Variants in RBFOX1 observed in about 807,000 individuals in gnomAD.
The protein encoded by RBFOX1 is RNA binding protein fox-1 homolog 1.
In RBFOX1, 8 loss-of-function variants were observed where a neutral mutation model predicts 57.7. The observed-to-expected ratio is 0.14, with a 90% CI of 0.08 to 0.25. The LOEUF is 0.25. Ranked by LOEUF, RBFOX1 falls within the 10% of genes least tolerant of loss-of-function variation. RBFOX1 has a pLI of 1.00. For missense variants in RBFOX1, 611 were observed against 548.5 expected (o/e 1.11, Z -1.14); for synonymous variants, 326 against 222.4 (o/e 1.47, Z -4.15).
chr16:5,894,747 C>T (rs2058121540), intron 4 of RBFOX1, among the ~76,000 whole-genome samples: 1 of 150,826 alleles, frequency 6.6e-6, no homozygotes, highest in African/African-American at 2.4e-5. Context: ...CAGGGCCAGG[C>T]GTGGTGGCTC....
At chr16:6,674,537 G>C (rs546432090) in intron 3 of RBFOX1, among the ~76,000 whole-genome samples, 2 of 152,210 alleles carry the variant, frequency 1.3e-5, no homozygotes, top group African/African-American at 2.4e-5. Context: ...GATCAGGATG[G>C]TGTCGAACTC....
chr16:6,771,032 G>A (rs1036458979), intron 3 of RBFOX1, among the ~76,000 whole-genome samples: 2 of 152,076 alleles, frequency 1.3e-5, no homozygotes, highest in Non-Finnish European at 2.9e-5. Context: ...TCCTTAGGAA[G>A]TTAATTCGGG....
chr16:6,045,157 T>G (rs1352735387), intron 1 of RBFOX1, among the ~76,000 whole-genome samples: 1 of 152,212 alleles, frequency 6.6e-6, no homozygotes, highest in African/African-American at 2.4e-5. Context: ...CTTGTTAAAA[T>G]GCAGATGCTG....
chr16:7,439,676 C>A (rs185533597), intron 4 of RBFOX1, among the ~76,000 whole-genome samples: 1 of 152,310 alleles, frequency 6.6e-6, no homozygotes, highest in African/African-American at 2.4e-5. Flanking sequence ...GTTTTAAAGG[C>A]ACTATTCATG....
rs146431123 is a variant in RBFOX1, at chr16:6,853,487, G to A, written c.-15-198570G>A. Among the ~76,000 whole-genome samples, 116 of 152,210 alleles carry A rather than the reference G, an allele frequency of 7.6e-4. 1 individual carries two copies. Among genetic ancestry groups the A allele is most frequent in the Non-Finnish European group, 1.2e-3 (82 of 68,018 alleles). On this transcript the variant is annotated intron_variant, in intron 3 of 15. Coordinates refer to ENST00000550418, the MANE Select transcript of RBFOX1 (RefSeq NM_018723.4). ...TGATGGAGGATGGTGCCTACAGTGT[G>A]GTGCTCGAGGACAATCCCTGTCTGC...
At chr16:7,120,823 GTA>G (rs537281089) in intron 4 of RBFOX1, among the ~76,000 whole-genome samples, 103 of 136,984 alleles carry the variant, frequency 7.5e-4, no homozygotes, top group South Asian at 4.9e-3. Context: ...TTTTATATAT[GTA>G]TATATACACA....
intron 4 of RBFOX1, among the ~76,000 whole-genome samples, chr16:7,449,446 C>T (rs74950036): frequency 0.012 from 1,778 of 152,132 alleles, 45 homozygotes; most frequent in African/African-American, 0.041. Context: ...CAGGAGTGAG[C>T]CCTGCTTAGT....
At chr16:5,452,921 C>T (rs1405949187) in intron 1 of RBFOX1, among the ~76,000 whole-genome samples, 1 of 152,126 alleles carries the variant, frequency 6.6e-6, no homozygotes, top group African/African-American at 2.4e-5. Flanking sequence ...TGTGAACCAC[C>T]ACGCTCTGCG....
intron 4 of RBFOX1, among the ~76,000 whole-genome samples, chr16:5,868,817 A>G (rs1313193682): frequency 1.3e-5 from 2 of 152,216 alleles, no homozygotes; most frequent in African/African-American, 4.8e-5. Context: ...GAATAGCAAT[A>G]TGCATCCTAT....
chr16:7,396,485 C>T (rs1452240021), intron 4 of RBFOX1, among the ~76,000 whole-genome samples: 3 of 152,204 alleles, frequency 2.0e-5, no homozygotes, highest in Admixed American at 6.5e-5. Flanking sequence ...CCCTACACGT[C>T]CTGATTCATA....
At chr16:6,016,041 A>G (rs1011600801), upstream of RBFOX1, among the ~76,000 whole-genome samples, 2 of 152,256 alleles carry the variant, frequency 1.3e-5, no homozygotes, top group Admixed American at 6.5e-5. Context: ...TGGTTAGCCC[A>G]TTTAGACAGC....
chr16:6,806,989 A>G (rs917608242), intron 3 of RBFOX1, among the ~76,000 whole-genome samples: 11 of 151,326 alleles, frequency 7.3e-5, no homozygotes, highest in African/African-American at 2.7e-4. Flanking sequence ...ACGTCTCACC[A>G]CGTCCAGCTG....
chr16:6,271,469 A>G, intron 1 of RBFOX1, among the ~76,000 whole-genome samples: 1 of 152,178 alleles, frequency 6.6e-6, no homozygotes, highest in East Asian at 1.9e-4. Flanking sequence ...AGATGAGAGC[A>G]GAAATCGATG....
At chr16:6,006,522 GAA>G (rs1217898372) in intron 4 of RBFOX1, among the ~76,000 whole-genome samples, 1 of 152,220 alleles carries the variant, frequency 6.6e-6, no homozygotes, top group Non-Finnish European at 1.5e-5. Context: ...AAGAAAGAAA[GAA>G]GAGATGGAGA....
chr16:7,058,184 A>C (rs987519836), intron 4 of RBFOX1, among the ~76,000 whole-genome samples: 6 of 152,112 alleles, frequency 3.9e-5, no homozygotes, highest in African/African-American at 1.4e-4. Flanking sequence ...TTTCAGGCGA[A>C]CACTAACTCA....
intron 1 of RBFOX1, among the ~76,000 whole-genome samples, chr16:6,153,557 A>G (rs1290659644): frequency 6.6e-6 from 1 of 151,416 alleles, no homozygotes; most frequent in Non-Finnish European, 1.5e-5. Flanking sequence ...CCCCCTTGGG[A>G]TGGAGTCTCC....
intron 3 of RBFOX1, among the ~76,000 whole-genome samples, chr16:6,954,510 AAGG>A (rs1334896489): frequency 6.6e-6 from 1 of 152,204 alleles, no homozygotes; most frequent in Admixed American, 6.6e-5. Flanking sequence ...TTTTAATAAA[AAGG>A]GGGTAGTTGG....
chr16:7,695,326 C>G (rs1212942217), intron 14 of RBFOX1, among the ~76,000 whole-genome samples: 6 of 152,142 alleles, frequency 3.9e-5, no homozygotes, highest in African/African-American at 1.4e-4. Context: ...AAAATCAAAA[C>G]TGCTCAGTCA....
At chr16:6,426,232 C>T (rs2093924323) in intron 2 of RBFOX1, among the ~76,000 whole-genome samples, 1 of 151,172 alleles carries the variant, frequency 6.6e-6, no homozygotes, top group Non-Finnish European at 1.5e-5. Flanking sequence ...ATGCAATAGA[C>T]AAACATAGAA....
Sources: gnomAD v4.1 joint callset for allele counts (sites outside exome capture counted in the v4.1 genomes callset) on GRCh38, gnomAD v4.1.1 for gene constraint, MANE v1.5 for transcripts, NCBI Gene and HGNC (gene_info 2026-07-23, HGNC 2026-07-21) for gene names.